TMCC3: variants seen among roughly 807,000 people sequenced by gnomAD.
TMCC3 encodes transmembrane and coiled-coil domain protein 3.
Under a neutral mutation model 40.2 loss-of-function variants are expected in TMCC3, and 28 were observed. The ratio of observed to expected loss-of-function variants is 0.70; its 90% CI spans 0.52 to 0.95. The LOEUF (loss-of-function observed/expected upper bound fraction) is 0.95, where lower values mean the gene tolerates loss of function less well. Ranked by LOEUF, TMCC3 falls within the 40% of genes least tolerant of loss-of-function variation. The pLI is 0.00. For missense variants in TMCC3, 554 were observed against 615.2 expected (o/e 0.90, Z 1.05); for synonymous variants, 255 against 248.5 (o/e 1.03, Z -0.25).
chr12:94,574,379 C>T (rs932982823), intron 3 of TMCC3, among the ~76,000 whole-genome samples: 75 of 139,610 alleles, frequency 5.4e-4, no homozygotes, highest in Middle Eastern at 3.6e-3. Flanking sequence ...CACAGTAAGA[C>T]GGTCTCAAAA....
In TMCC3 at chr12:94,604,709, T is replaced by C. The variant is rs1187180119; in HGVS notation, c.79-22171A>G. On this transcript the variant is annotated intron_variant, in intron 1 of 3. Coordinates refer to ENST00000261226, the MANE Select transcript of TMCC3 (RefSeq NM_020698.4). Reference sequence around the variant, plus strand: ...GTCCCAGCTACTTGAGAGGCTGAGGTGGGAGGATTTCTTGAGCCTAAGAGG... The same window carrying C: ...GTCCCAGCTACTTGAGAGGCTGAGGCGGGAGGATTTCTTGAGCCTAAGAGG... 8.6e-5 allele frequency among the ~76,000 whole-genome samples: 10 copies of C among 116,858 alleles called. No homozygotes were observed. In the East Asian group the frequency reaches 2.6e-3, roughly 30 times the overall value. The allele number at this position is 116,858 out of a possible 152,430, so 76.7% of individuals were successfully genotyped here.
At chr12:94,646,394 A>AT (rs1244480044) in intron 1 of TMCC3, among the ~76,000 whole-genome samples, 2 of 151,974 alleles carry the variant, frequency 1.3e-5, no homozygotes, top group African/African-American at 4.8e-5. Context: ...AAATTTAAAA[A>AT]AATTTTTTTA....
At chr12:94,629,281 G>A (rs1197951303) in intron 1 of TMCC3, among the ~76,000 whole-genome samples, 1 of 152,160 alleles carries the variant, frequency 6.6e-6, no homozygotes, top group Non-Finnish European at 1.5e-5. Flanking sequence ...GGAAGGGAGG[G>A]TGGGCCAGGA....
chr12:94,583,058 C>A (rs2068616447), intron 1 of TMCC3, among the ~76,000 whole-genome samples: 1 of 141,682 alleles, frequency 7.1e-6, no homozygotes, highest in Non-Finnish European at 1.5e-5. Context: ...CAAACAAGAA[C>A]ATTATTTTCT....
rs190269182 is a variant in TMCC3 at position 94,599,969 on chromosome 12, C to T, written c.79-17431G>A. Among the ~76,000 whole-genome samples the T allele has an allele frequency of 1.4e-4, 22 of 152,156 alleles. No homozygotes were observed. The East Asian group carries it at 2.5e-3, about 17-fold the overall frequency. ...ACGCAGGAAGCTGAGCCAGGAGGAT[C>T]GTTTGAGCCCAAGAGTTGGAGGCCA... On this transcript the variant is annotated intron_variant, in intron 1 of 3. Transcript: ENST00000261226.
intron 3 of TMCC3, among the ~76,000 whole-genome samples, chr12:94,572,306 CTTTTT>C (rs527894810): frequency 9.9e-5 from 5 of 50,658 alleles, no homozygotes; most frequent in Admixed American, 7.7e-4. Context: ...CCGACTTCAT[CTTTTT>C]TTTTTTTTTT....
intron 1 of TMCC3, among the ~76,000 whole-genome samples, chr12:94,629,985 G>T (rs533532673): frequency 6.6e-6 from 1 of 152,174 alleles, no homozygotes; most frequent in Non-Finnish European, 1.5e-5. Context: ...GAAGATACAG[G>T]CCAGGCGTGG....
chr12:94,598,109 T>G (rs1277774432), intron 1 of TMCC3, among the ~76,000 whole-genome samples: 1 of 152,222 alleles, frequency 6.6e-6, no homozygotes, highest in Non-Finnish European at 1.5e-5. Context: ...CCTAAATGTT[T>G]CCGGTACCTT....
chr12:94,575,741 G>A (rs941493091), intron 3 of TMCC3, among the ~76,000 whole-genome samples: 5 of 152,134 alleles, frequency 3.3e-5, no homozygotes, highest in African/African-American at 7.2e-5. Flanking sequence ...AGTGACACCC[G>A]AAACATGCTC....
Position 94,581,831 on chromosome 12 carries a change from T to C in TMCC3, c.786A>G (p.Ser262=), listed in dbSNP as rs766815632. 1.2e-6 allele frequency: 2 copies of C among 1,614,090 alleles called. No individual in the cohort carries two copies. The highest frequency in any genetic ancestry group is 1.1e-5 in the South Asian group (1 of 91,084). Residue 262 remains serine, a synonymous_variant, in exon 2 of 4, where the codon TCA becomes TCG. Coordinates refer to ENST00000261226, the MANE Select transcript of TMCC3 (RefSeq NM_020698.4). ...GSDDECSSGT[S]GSADSNGNQS... ...GGTTTCCGTTACTGTCGGCCGAGCC[T>C]GACGTGCCACTCGAACATTCATCAT...
intron 1 of TMCC3, among the ~76,000 whole-genome samples, chr12:94,621,275 C>T (rs924057348): frequency 1.3e-5 from 2 of 152,210 alleles, no homozygotes; most frequent in African/African-American, 4.8e-5. Flanking sequence ...GCAAACCCAC[C>T]AGGCTCTCTC....
At chr12:94,575,749 C>T (rs1161738727) in intron 3 of TMCC3, among the ~76,000 whole-genome samples, 1 of 152,184 alleles carries the variant, frequency 6.6e-6, no homozygotes, top group Non-Finnish European at 1.5e-5. Context: ...CCGAAACATG[C>T]TCTAAAATAG....
intron 1 of TMCC3, among the ~76,000 whole-genome samples, chr12:94,634,580 A>T (rs745845483): frequency 2.0e-5 from 3 of 152,230 alleles, no homozygotes; most frequent in African/African-American, 7.2e-5. Context: ...CATTTTAAAC[A>T]GCCAGAGTGC....
rs1245990302 is a variant in TMCC3, at chr12:94,578,538, G to C, written c.996-9C>G. On this transcript the variant is annotated splice_polypyrimidine_tract_variant and intron_variant, in intron 2 of 3. Transcript: ENST00000261226. ...CCTCCAGTCGCTCATACCTTTAAAA[G>C]AGAGGAGCCGATTCCCAGTGTGACC... 1.2e-6 allele frequency: 2 copies of C among 1,610,366 alleles called. No individual in the cohort carries two copies. Among genetic ancestry groups the C allele is most frequent in the African/African-American group, 1.3e-5 (1 of 74,840 alleles).
At chr12:94,581,089 T>C (rs1303532994) in intron 2 of TMCC3, among the ~76,000 whole-genome samples, 1 of 152,250 alleles carries the variant, frequency 6.6e-6, no homozygotes, top group East Asian at 1.9e-4. Flanking sequence ...TTTCAGATTT[T>C]GATTTTTTTC....
chr12:94,591,407 T>A (rs1354060482), intron 1 of TMCC3, among the ~76,000 whole-genome samples: 4 of 149,262 alleles, frequency 2.7e-5, no homozygotes, highest in African/African-American at 5.0e-5. Flanking sequence ...ATTTCTGATT[T>A]TTTTTTTTCT....
chr12:94,600,436 C>G (rs1368453159), intron 1 of TMCC3, among the ~76,000 whole-genome samples: 1 of 152,022 alleles, frequency 6.6e-6, no homozygotes, highest in Non-Finnish European at 1.5e-5. Flanking sequence ...TTACACTGAT[C>G]TTCTAAACTC....
At chr12:94,597,131 ATATATATATATATATATATATATATATG>A (rs201700868) in intron 1 of TMCC3, among the ~76,000 whole-genome samples, 93,414 of 129,270 alleles carry the variant, frequency 0.72, 33,889 homozygotes, top group Middle Eastern at 0.8. Flanking sequence ...ATACATATAT[ATATATATATATATATATATATATATATG>A]TATATAAATT....
intron 1 of TMCC3, among the ~76,000 whole-genome samples, chr12:94,634,471 A>G (rs890576940): frequency 4.6e-5 from 7 of 152,160 alleles, no homozygotes; most frequent in African/African-American, 1.7e-4. Context: ...CTGTCCTTAA[A>G]CAGCAACAAG....
Sources: gnomAD v4.1 joint callset for allele counts (sites outside exome capture counted in the v4.1 genomes callset) on GRCh38, gnomAD v4.1.1 for gene constraint, MANE v1.5 for transcripts, NCBI Gene and HGNC (gene_info 2026-07-23, HGNC 2026-07-21) for gene names.